Variants in DPYS observed in about 807,000 individuals in gnomAD.
The protein encoded by DPYS is dihydropyrimidinase.
A neutral mutation model predicts 50.3 loss-of-function variants in DPYS; 39 were observed. The ratio of observed to expected loss-of-function variants is 0.78; its 90% confidence interval spans 0.60 to 1.01. The LOEUF is 1.01. Ranked by LOEUF, DPYS falls within the 50% of genes least tolerant of loss-of-function variation. The pLI is 0.00. For synonymous variants in DPYS, 245 were observed against 250.7 expected (o/e 0.98, Z 0.22); for missense variants, 659 against 680.9 (o/e 0.97, Z 0.36).
At chr8:104,460,394 A>G (rs1383781136) in intron 1 of DPYS, among the ~76,000 whole-genome samples, 1 of 152,152 alleles carries the variant, frequency 6.6e-6, no homozygotes, top group Admixed American at 6.5e-5. Context: ...TCCTGCCACC[A>G]TGTGAATATG....
Position 104,436,666 on chromosome 8 carries a change from G to A in DPYS, c.794-6965C>T, listed in dbSNP as rs1244494639. On this transcript the variant is annotated intron_variant, in intron 4 of 9. Transcript: ENST00000351513. ...AAACAGAGTAACCCAGGAAACAGAA[G>A]AGAATTAAAAAAAAATCTTCATTAG... Among the ~76,000 whole-genome samples, 5 of 151,654 alleles carry A rather than the reference G, an allele frequency of 3.3e-5. No individual in the cohort carries two copies. The East Asian group carries it at 9.7e-4, about 29-fold the overall frequency.
At chr8:104,457,038 C>T (rs1260419569) in intron 1 of DPYS, among the ~76,000 whole-genome samples, 1 of 152,192 alleles carries the variant, frequency 6.6e-6, no homozygotes, top group Admixed American at 6.5e-5. Flanking sequence ...TTGAACCCTA[C>T]ATATGCTATG....
chr8:104,404,840 A>T (rs1482947490), intron 7 of DPYS, among the ~76,000 whole-genome samples: 1 of 152,276 alleles, frequency 6.6e-6, no homozygotes, highest in Admixed American at 6.5e-5. Context: ...CTAGCAACAG[A>T]GTCCATATGG....
At chr8:104,395,651 A>G (rs1195723652) in intron 7 of DPYS, among the ~76,000 whole-genome samples, 1 of 152,228 alleles carries the variant, frequency 6.6e-6, no homozygotes, top group Non-Finnish European at 1.5e-5. Flanking sequence ...GTTGCTGCAT[A>G]GTATTCCACT....
intron 5 of DPYS, 150 bp downstream of exon 5, chr8:104,429,395 G>T: frequency 1.2e-6 from 1 of 839,748 alleles, no homozygotes; most frequent in Non-Finnish European, 1.9e-6. Flanking sequence ...AATGTTTTTT[G>T]CTCTGCAGGT....
intron 7 of DPYS, among the ~76,000 whole-genome samples, chr8:104,393,964 C>G (rs763891133): frequency 3.3e-5 from 5 of 152,196 alleles, no homozygotes; most frequent in Admixed American, 6.5e-5. Context: ...CCTTCCCACC[C>G]TTTCCCGCTG....
intron 9 of DPYS, 167 bp downstream of exon 9, chr8:104,381,017 G>A: frequency 1.6e-6 from 1 of 621,174 alleles, no homozygotes; most frequent in South Asian, 1.8e-5. Flanking sequence ...CAATCTGGAA[G>A]GCTTATCTAA....
intron 3 of DPYS, among the ~76,000 whole-genome samples, chr8:104,445,254 C>T (rs1420766409): frequency 6.6e-6 from 1 of 152,156 alleles, no homozygotes; most frequent in Admixed American, 6.5e-5. Context: ...CCAGCAACCC[C>T]ACTGCTGGAC....
At position 104,459,493 on chromosome 8, in the gene DPYS, T is replaced by C. The variant is rs182375901; in HGVS notation, c.264+7164A>G. Among the ~76,000 whole-genome samples, 307 of 152,318 alleles carry C rather than the reference T, an allele frequency of 2.0e-3. 1 individual carries two copies. The highest frequency in any genetic ancestry group is 6.9e-3 in the African/African-American group (285 of 41,570). On this transcript the variant is annotated intron_variant, in intron 1 of 9. Transcript: ENST00000351513. ...CACTTAGTGGGTTTCCAAGAAATACTTGTTGACTGAATTAATGGAACCTAA... is the reference window on the plus strand; with the variant it reads ...CACTTAGTGGGTTTCCAAGAAATACCTGTTGACTGAATTAATGGAACCTAA...
chr8:104,393,825 A>T (rs549412995), intron 7 of DPYS, among the ~76,000 whole-genome samples: 1 of 152,302 alleles, frequency 6.6e-6, no homozygotes, highest in South Asian at 2.1e-4. Flanking sequence ...TTATTTCCAT[A>T]GGCTTTTGGG....
intron 7 of DPYS, among the ~76,000 whole-genome samples, chr8:104,402,944 C>G (rs1374455000): frequency 6.6e-6 from 1 of 152,100 alleles, no homozygotes; most frequent in Non-Finnish European, 1.5e-5. Context: ...AAGAAATAGC[C>G]AATCATCTAT....
intron 7 of DPYS, among the ~76,000 whole-genome samples, chr8:104,403,088 C>T (rs1321418784): frequency 6.6e-6 from 1 of 152,158 alleles, no homozygotes; most frequent in African/African-American, 2.4e-5. Flanking sequence ...CTTGCAACTG[C>T]ACTCTCTTCT....
chr8:104,444,885 A>G (rs149281120), intron 3 of DPYS, among the ~76,000 whole-genome samples: 3 of 152,340 alleles, frequency 2.0e-5, no homozygotes, highest in African/African-American at 7.2e-5. Context: ...TAAGAAGCAG[A>G]ATATATACAA....
At position 104,439,556 on chromosome 8, in the gene DPYS, G is replaced by T. The variant is rs149331330; in HGVS notation, c.793+4692C>A. On this transcript the variant is annotated intron_variant, in intron 4 of 9. Transcript: ENST00000351513. ...CCAGTGCTGTGGGAAGCTGAGGCAG[G>T]AAGATCGCCTGAGGCCAGGAGTTCA... Among the ~76,000 whole-genome samples, 447 of 152,306 alleles carry T rather than the reference G, an allele frequency of 2.9e-3. 2 individuals are homozygous for T. The highest frequency in any genetic ancestry group is 0.017 in the Middle Eastern group (5 of 294).
At chr8:104,458,793 A>G (rs1814018806) in intron 1 of DPYS, among the ~76,000 whole-genome samples, 1 of 152,236 alleles carries the variant, frequency 6.6e-6, no homozygotes, top group African/African-American at 2.4e-5. Context: ...TTCTATGAAC[A>G]TGTTAATATG....
intron 4 of DPYS, among the ~76,000 whole-genome samples, chr8:104,440,676 T>C (rs1190343754): frequency 5.3e-5 from 8 of 151,988 alleles, no homozygotes; most frequent in African/African-American, 1.9e-4. Context: ...GGAGAAGCGC[T>C]TGAACCCAGG....
intron 7 of DPYS, among the ~76,000 whole-genome samples, chr8:104,402,756 A>G (rs1477045675): frequency 2.0e-5 from 3 of 152,190 alleles, no homozygotes; most frequent in Non-Finnish European, 4.4e-5. Context: ...TTTTAGGAAG[A>G]AAAAGGAATT....
At chr8:104,408,143 C>T (rs1812058800) in intron 7 of DPYS, among the ~76,000 whole-genome samples, 1 of 152,264 alleles carries the variant, frequency 6.6e-6, no homozygotes, top group Non-Finnish European at 1.5e-5. Context: ...CATGCTATTT[C>T]TGCATTTGGA....
intron 7 of DPYS, among the ~76,000 whole-genome samples, chr8:104,417,294 T>G (rs777745598): frequency 6.6e-6 from 1 of 152,240 alleles, no homozygotes. Context: ...CTAAGTGCTA[T>G]TTAATGAATA....
Sources: gnomAD v4.1 joint callset for allele counts (sites outside exome capture counted in the v4.1 genomes callset) on GRCh38, gnomAD v4.1.1 for gene constraint, MANE v1.5 for transcripts, NCBI Gene and HGNC (gene_info 2026-07-23, HGNC 2026-07-21) for gene names.